Variants in ELP3 observed in about 807,000 individuals in gnomAD.
ELP3 encodes the protein elongator acetyltransferase complex subunit 3.
A neutral mutation model predicts 74.9 loss-of-function variants in ELP3; 56 were observed. That is an observed-to-expected ratio of 0.75 (90% CI 0.60 to 0.93). The LOEUF (loss-of-function observed/expected upper bound fraction) is 0.93, where lower values mean the gene tolerates loss of function less well. Among genes scored for constraint, ELP3 ranks in the 40% least tolerant of loss-of-function variants. ELP3 has a pLI of 0.00. For synonymous variants in ELP3, 222 were observed against 239.8 expected (o/e 0.93, Z 0.68); for missense variants, 573 against 686.5 (o/e 0.83, Z 1.85).
In ELP3 at chr8:28,155,993, A is replaced by G. The variant is rs765523825; in HGVS notation, c.1152A>G (p.Arg384=). 6.2e-7 allele frequency: 1 copy of G among 1,614,002 alleles called. No individual in the cohort carries two copies. The highest frequency in any genetic ancestry group is 8.5e-7 in the Non-Finnish European group (1 of 1,179,886). Residue 384 remains arginine, a synonymous_variant, in exon 11 of 15, where the codon AGA becomes AGG. Transcript: ENST00000256398. The stretch of plus-strand genomic sequence containing the variant: ...CAGGAGTAGAGCATGGTAACCTGAG[A>G]GAGCTGGCACTTGCAAGAATGAAAG... ...VSSGVEHGNL[R]ELALARMKDL... is the part of the protein sequence containing the mutation.
chr8:28,130,950 A>G (rs955572492), intron 8 of ELP3, among the ~76,000 whole-genome samples: 5 of 152,196 alleles, frequency 3.3e-5, no homozygotes, highest in Non-Finnish European at 5.9e-5. Context: ...CTGGACATGA[A>G]TCTAATGGAG....
chr8:28,180,258 G>A (rs1814950901), intron 14 of ELP3, among the ~76,000 whole-genome samples: 1 of 152,056 alleles, frequency 6.6e-6, no homozygotes, highest in Admixed American at 6.5e-5. Context: ...TGTGACTCCA[G>A]TTAAACATAT....
At chr8:28,154,278 G>A (rs1371771906) in intron 10 of ELP3, among the ~76,000 whole-genome samples, 1 of 152,116 alleles carries the variant, frequency 6.6e-6, no homozygotes, top group East Asian at 1.9e-4. Context: ...GGGGCTCACA[G>A]GAACCTAACC....
chr8:28,117,185 C>T (rs746272753), intron 7 of ELP3, among the ~76,000 whole-genome samples: 2 of 152,124 alleles, frequency 1.3e-5, no homozygotes, highest in Non-Finnish European at 2.9e-5. Flanking sequence ...TTTTCATCTC[C>T]TACAGTTTGG....
Position 28,099,850 on chromosome 8 carries a change from A to C in ELP3, c.142A>C (p.Lys48Gln), listed in dbSNP as rs747557089. Residue 48 changes from lysine (K) to glutamine (Q), a missense_variant, in exon 3 of 15, where the codon AAA (lysine) becomes CAA (glutamine). By Grantham distance (53) the Lys-to-Gln change is moderately conservative. Coordinates refer to ENST00000256398, the MANE Select transcript of ELP3 (RefSeq NM_018091.6). ...CAGGGTGAAAACCAAGACAGCTGCC[A>C]AATATGGCCTTTCTGCCCAGCCCCG... ...LNKVKTKTAAKYGLSAQPRLV... is the reference protein window; with the variant it reads ...LNKVKTKTAAQYGLSAQPRLV... The C allele has an allele frequency of 6.2e-7, 1 of 1,614,236 alleles. No individual in the cohort carries two copies. Among genetic ancestry groups the C allele is most frequent in the Non-Finnish European group, 8.5e-7 (1 of 1,180,050 alleles).
At chr8:28,118,730 C>T (rs1022197813) in intron 7 of ELP3, among the ~76,000 whole-genome samples, 2 of 152,092 alleles carry the variant, frequency 1.3e-5, no homozygotes, top group African/African-American at 4.8e-5. Context: ...TCAGCTTTGC[C>T]CAGAAGCAGT....
intron 12 of ELP3, among the ~76,000 whole-genome samples, chr8:28,159,329 T>C (rs967077334): frequency 1.3e-5 from 2 of 152,228 alleles, no homozygotes; most frequent in African/African-American, 4.8e-5. Context: ...AATCAGTTAA[T>C]TGACATTTTT....
chr8:28,101,865 C>G (rs1289326411), intron 3 of ELP3, among the ~76,000 whole-genome samples: 1 of 152,200 alleles, frequency 6.6e-6, no homozygotes, highest in Non-Finnish European at 1.5e-5. Flanking sequence ...GCTGGGATTA[C>G]AGACGTGAGC....
At chr8:28,108,814 G>A (rs745364991) in intron 5 of ELP3, among the ~76,000 whole-genome samples, 11 of 152,128 alleles carry the variant, frequency 7.2e-5, no homozygotes, top group Non-Finnish European at 1.3e-4. Context: ...AAAAGTATCA[G>A]GCACTCAAAA....
At position 28,097,405 on chromosome 8, in the gene ELP3, C is replaced by G. The variant is rs568099904; in HGVS notation, c.119+87C>G. The stretch of plus-strand genomic sequence containing the variant: ...ATCTAGTACTACTTGTTTTCCAGCT[C>G]AAGTTTTATTTTAGTTGAGAATTTT... On this transcript the variant is annotated intron_variant, in intron 2 of 14. Coordinates refer to ENST00000256398, the MANE Select transcript of ELP3 (RefSeq NM_018091.6). 3.7e-6 allele frequency: 3 copies of G among 812,436 alleles called. No individual in the cohort carries two copies. The Admixed American group carries it at 7.8e-5, about 21-fold the overall frequency. 50.3% of individuals were successfully genotyped at this position (812,436 alleles called of 1,614,324 possible).
In ELP3 at chr8:28,167,682, A is replaced by G. The variant is rs190558484; in HGVS notation, c.1567+5604A>G. Among the ~76,000 whole-genome samples the G allele has an allele frequency of 7.7e-4, 118 of 152,334 alleles. 1 individual carries two copies. The East Asian group carries it at 0.017, about 22-fold the overall frequency. The stretch of plus-strand genomic sequence containing the variant: ...AGTGTTAGTCTATGGCTTCTCAGAA[A>G]GGAAGGGAAAGAGTGTTTGTCCTTT... On this transcript the variant is annotated intron_variant, in intron 14 of 14. Coordinates refer to ENST00000256398, the MANE Select transcript of ELP3 (RefSeq NM_018091.6).
chr8:28,094,517 G>A (rs1331200550), intron 1 of ELP3, among the ~76,000 whole-genome samples: 1 of 152,174 alleles, frequency 6.6e-6, no homozygotes, highest in Non-Finnish European at 1.5e-5. Flanking sequence ...TCAGGAATTG[G>A]AGACCAGCCT....
At chr8:28,171,480 A>G (rs972184552) in intron 14 of ELP3, among the ~76,000 whole-genome samples, 5 of 151,960 alleles carry the variant, frequency 3.3e-5, no homozygotes, top group African/African-American at 7.3e-5. Flanking sequence ...AGAGATGTCT[A>G]TTTGGGTCTG....
At position 28,101,478 on chromosome 8, in the gene ELP3, C is replaced by A. The variant is rs1445680411; in HGVS notation, c.258+1512C>A. Among the ~76,000 whole-genome samples the A allele has an allele frequency of 2.0e-5, 3 of 152,028 alleles. No individual in the cohort carries two copies. In the East Asian group the frequency reaches 5.8e-4, roughly 29 times the overall value. Reference sequence around the variant, plus strand: ...CTAATAGTCCATGCCCCTCACCTCCCTTTTTCTACCCTAGGGCAACCATTT... The same window carrying A: ...CTAATAGTCCATGCCCCTCACCTCCATTTTTCTACCCTAGGGCAACCATTT... On this transcript the variant is annotated intron_variant, in intron 3 of 14. Transcript: ENST00000256398.
intron 14 of ELP3, among the ~76,000 whole-genome samples, chr8:28,187,473 C>G (rs1271532772): frequency 6.6e-6 from 1 of 152,204 alleles, no homozygotes; most frequent in African/African-American, 2.4e-5. Flanking sequence ...TGACCAGCAT[C>G]CTCTCATTCT....
At chr8:28,111,218 C>G (rs1811903771) in intron 6 of ELP3, among the ~76,000 whole-genome samples, 3 of 152,164 alleles carry the variant, frequency 2.0e-5, no homozygotes, top group South Asian at 4.1e-4. Flanking sequence ...TCTATCAGCT[C>G]TCATCCATTG....
At chr8:28,127,395 T>A (rs1334895002) in intron 7 of ELP3, among the ~76,000 whole-genome samples, 4 of 152,344 alleles carry the variant, frequency 2.6e-5, no homozygotes, top group South Asian at 2.1e-4. Context: ...GCAGGTTTTT[T>A]AAAAATACCA....
intron 10 of ELP3, among the ~76,000 whole-genome samples, chr8:28,154,450 T>G (rs1223833548): frequency 6.6e-6 from 1 of 152,212 alleles, no homozygotes; most frequent in Non-Finnish European, 1.5e-5. Flanking sequence ...TGTATGATGT[T>G]TTAAATTTTA....
chr8:28,153,453 G>T (rs547406349), intron 10 of ELP3, among the ~76,000 whole-genome samples: 2 of 152,316 alleles, frequency 1.3e-5, no homozygotes, highest in African/African-American at 4.8e-5. Context: ...TTTGAATTCT[G>T]TGTGCCAGTG....
Sources: gnomAD v4.1 joint callset for allele counts (sites outside exome capture counted in the v4.1 genomes callset) on GRCh38, gnomAD v4.1.1 for gene constraint, MANE v1.5 for transcripts, NCBI Gene and HGNC (gene_info 2026-07-23, HGNC 2026-07-21) for gene names.